Variants in MKI67 observed in about 807,000 individuals in gnomAD.
The protein encoded by MKI67 is proliferation marker protein Ki-67.
A neutral mutation model predicts 233.5 loss-of-function variants in MKI67; 152 were observed. The ratio of observed to expected loss-of-function variants is 0.65; its 90% CI spans 0.57 to 0.74. The LOEUF (loss-of-function observed/expected upper bound fraction) is 0.74. Among genes scored for constraint, MKI67 ranks in the 30% least tolerant of loss-of-function variants. The pLI is 0.00. For synonymous variants in MKI67, 1,465 were observed against 1,418.5 expected, an observed-to-expected ratio of 1.03 and a Z score of -0.74; for missense variants, 3,940 against 3,885.2, an observed-to-expected ratio of 1.01 and a Z score of -0.37.
chr10:128,111,559 G>GATAAAAAAAATTATAAAAAAAAAAA, intron 11 of MKI67, 86 bp downstream of exon 11: 1 of 1,103,340 alleles, frequency 9.1e-7, no homozygotes, highest in African/African-American at 1.6e-5. Context: ...TTTCACAGCA[G>GATAAAAAAAATTATAAAAAAAAAAA]ATAAACAAAG....
chr10:128,115,147 T>G lies in MKI67; in HGVS notation c.1261A>C (p.Lys421Gln), dbSNP rs769497819. ...SATKPENLSSKTRGSIPTDVE... is the reference protein window; with the variant it reads ...SATKPENLSSQTRGSIPTDVE... ...TCTGTAGGAATACTTCCTCTGGTTT[T>G]GGAAGAGAGATTTTCTGGCTTAGTG... Residue 421 changes from lysine (K) to glutamine (Q), a missense_variant, in exon 7 of 15, where the codon AAA becomes CAA. Transcript: ENST00000368654. 6.2e-7 allele frequency: 1 copy of G among 1,614,222 alleles called. No individual in the cohort carries two copies. The highest frequency in any genetic ancestry group is 1.7e-5 in the Admixed American group (1 of 60,030).
In MKI67 at chr10:128,098,267, T is replaced by G. The variant is rs1852255892; in HGVS notation, c.*923A>C. On this transcript the variant is annotated 3_prime_UTR_variant, in exon 15 of 15. Coordinates refer to ENST00000368654, the MANE Select transcript of MKI67 (RefSeq NM_002417.5). ...ATCCTGAAATCGTGGCTGAAGGTGCTGAGTGCTCAGTCTCTCCAAGGATGA... is the reference window on the plus strand; with the variant it reads ...ATCCTGAAATCGTGGCTGAAGGTGCGGAGTGCTCAGTCTCTCCAAGGATGA... 1.3e-5 allele frequency: 2 copies of G among 152,312 alleles called. No homozygotes were observed. Among genetic ancestry groups the G allele is most frequent in the Non-Finnish European group, 2.9e-5 (2 of 68,088 alleles). 9.4% of individuals were successfully genotyped at this position (152,312 alleles called of 1,614,324 possible). A position where few individuals can be genotyped will look rare whatever the true frequency, so the allele number is the denominator to read the frequency against.
intron 2 of MKI67, 152 bp from the exon 3 acceptor site, chr10:128,123,321 T>G: frequency 1.6e-6 from 1 of 630,588 alleles, no homozygotes; most frequent in Non-Finnish European, 2.9e-6. Flanking sequence ...TAAACGATCT[T>G]GCATTTTGCA....
intron 4 of MKI67, among the ~76,000 whole-genome samples, chr10:128,119,774 C>A (rs1365675004): frequency 6.6e-6 from 1 of 152,220 alleles, no homozygotes; most frequent in African/African-American, 2.4e-5. Flanking sequence ...AAAAGCTACA[C>A]TTACACTACA....
Position 128,101,343 on chromosome 10 carries a change from C to T in MKI67, c.9620G>A (p.Ser3207Asn), listed in dbSNP as rs769273359. 2 of 1,614,208 alleles carry T rather than the reference C, an allele frequency of 1.2e-6. No homozygotes were observed. The highest frequency in any genetic ancestry group is 1.7e-5 in the Admixed American group (1 of 60,026). ...CTCCAAAGTGCTTGCTGCAGGCTGGCTTTTTGTCTTTCTTGATCTCAGGCA... is the reference window on the plus strand; with the variant it reads ...CTCCAAAGTGCTTGCTGCAGGCTGGTTTTTTGTCTTTCTTGATCTCAGGCA... The part of the protein sequence containing the change: ...SMCLRSRKTK[S>N]QPAASTLESK... The change falls in exon 14 of 15, where the codon AGC becomes AAC. Residue 3207 changes from serine (S) to asparagine (N), a missense_variant. By Grantham distance (46) the Ser-to-Asn change is conservative. Transcript: ENST00000368654.
intron 12 of MKI67, 140 bp downstream of exon 12, chr10:128,110,238 A>G: frequency 1.7e-6 from 1 of 600,108 alleles, no homozygotes; most frequent in Non-Finnish European, 2.6e-6. Context: ...CTCCCTTTCA[A>G]TTAGAACAGA....
Position 128,107,526 on chromosome 10 carries a change from T to C in MKI67, c.4314A>G (p.Ala1438=), listed in dbSNP as rs1852536259. Residue 1438 remains alanine, a synonymous_variant, in exon 13 of 15, where the codon GCA becomes GCG. Coordinates refer to ENST00000368654, the MANE Select transcript of MKI67 (RefSeq NM_002417.5). ...TTGCTGCTGGGTCCAGTTTCTGTTT[T>C]GCAGTTTCCCTAAACGCGTTGATGC... ...DKSINAFRET[A]KQKLDPAASV... 6.2e-7 allele frequency: 1 copy of C among 1,614,054 alleles called. No homozygotes were observed. The highest frequency in any genetic ancestry group is 1.3e-5 in the African/African-American group (1 of 74,928).
rs1852218887 is a variant in MKI67, at chr10:128,096,693, A to T, written c.*2497T>A. ...CATTTCATCACATACTTTATTGGAC[A>T]TCTCCTGTGGCTGGTCACTGGGATA... On this transcript the variant is annotated 3_prime_UTR_variant, in exon 15 of 15. Coordinates refer to ENST00000368654, the MANE Select transcript of MKI67 (RefSeq NM_002417.5). The T allele has an allele frequency of 6.6e-6, 1 of 152,230 alleles. No individual in the cohort carries two copies. Among genetic ancestry groups the T allele is most frequent in the South Asian group, 2.1e-4 (1 of 4,828 alleles). 9.4% of individuals were successfully genotyped at this position (152,230 alleles called of 1,614,324 possible).
Position 128,107,547 on chromosome 10 carries a change from G to C in MKI67, c.4293C>G (p.Ile1431Met), listed in dbSNP as rs776064157. ...GTTTTGCAGTTTCCCTAAACGCGTT[G>C]ATGCTTTTATCCTCACCTCCTGGTA... ...DKVPGGEDKS[I>M]NAFRETAKQK... The change falls in exon 13 of 15, where the codon ATC becomes ATG. Residue 1431 changes from isoleucine to methionine, a missense_variant. By Grantham distance (10) the Ile-to-Met change is conservative (BLOSUM62 1). Coordinates refer to ENST00000368654, the MANE Select transcript of MKI67 (RefSeq NM_002417.5). 6.2e-7 allele frequency: 1 copy of C among 1,613,992 alleles called. No individual in the cohort carries two copies. Among genetic ancestry groups the C allele is most frequent in the East Asian group, 2.2e-5 (1 of 44,896 alleles).
Position 128,101,444 on chromosome 10 carries a change from G to A in MKI67, c.9519C>T (p.Ser3173=), listed in dbSNP as rs146400996. The change falls in exon 14 of 15, where the codon AGC becomes AGT. Residue 3173 remains serine, a synonymous_variant. Transcript: ENST00000368654. The part of the protein sequence containing the change: ...ESSQPKVAEE[S]GGQKSAKVLM... ...GAACCTTCGCACTCTTCTGCCCTCC[G>A]CTCTCCTCTGCCACCTTAGGCTGGG... The A allele has an allele frequency of 6.2e-6, 10 of 1,613,896 alleles. No homozygotes were observed. The highest frequency in any genetic ancestry group is 2.7e-5 in the African/African-American group (2 of 74,842).
chr10:128,113,136 G>A (rs1852717810), intron 8 of MKI67, among the ~76,000 whole-genome samples: 1 of 152,182 alleles, frequency 6.6e-6, no homozygotes, highest in South Asian at 2.1e-4. Flanking sequence ...GACGGTGCCT[G>A]CAGGTGATTA....
chr10:128,114,959 T>C lies in MKI67; in HGVS notation c.1449A>G (p.Ser483=), dbSNP rs776680341. The C allele has an allele frequency of 1.3e-6, 2 of 1,567,636 alleles. No homozygotes were observed. The highest frequency in any genetic ancestry group is 2.7e-5 in the African/African-American group (2 of 72,782). The change falls in exon 7 of 15, where the codon TCA becomes TCG. Residue 483 remains serine, a synonymous_variant. Transcript: ENST00000368654. ...QMCSGLPGLS[S]VDINNFGDSI... ...AATCACCAAAGTTGTTGATATCAAC[T>C]GAACTAAGACCAGGTAACCCAGAGC... is the stretch of plus-strand genomic sequence containing the variant.
chr10:128,122,926 C>A lies in MKI67; in HGVS notation c.242G>T (p.Arg81Leu), dbSNP rs781387369. 6.3e-7 allele frequency: 1 copy of A among 1,599,044 alleles called. No homozygotes were observed. Among genetic ancestry groups the A allele is most frequent in the Non-Finnish European group, 8.6e-7 (1 of 1,169,374 alleles). Residue 81 changes from arginine (R) to leucine (L), a missense_variant, in exon 4 of 15, where the codon CGG becomes CTG. By Grantham distance (102) the Arg-to-Leu change is moderately radical (BLOSUM62 -2). Transcript: ENST00000368654. ...VNGSVIDEPV[R>L]LKHGDVITII... The stretch of plus-strand genomic sequence containing the variant: ...AGTTATTACATCTCCATGTTTTAGC[C>A]GTACAGGCTCATCAATAACAGACCC...
At position 128,104,316 on chromosome 10, in the gene MKI67, A is replaced by C. The variant is rs751038331; in HGVS notation, c.7524T>G (p.Thr2508=). The C allele has an allele frequency of 1.2e-6, 2 of 1,614,066 alleles. No homozygotes were observed. Among genetic ancestry groups the C allele is most frequent in the Admixed American group, 3.3e-5 (2 of 60,004 alleles). Residue 2508 remains threonine, a synonymous_variant, in exon 13 of 15, where the codon ACT becomes ACG. Transcript: ENST00000368654. The part of the protein sequence containing the change: ...VSKLTRTSGE[T]TQTHTEPTGD... Reference sequence around the variant, plus strand: ...CTGTTGGCTCTGTGTGTGTTTGCGTAGTCTCCCCTGATGTCCGTGTGAGCT... The same window carrying C: ...CTGTTGGCTCTGTGTGTGTTTGCGTCGTCTCCCCTGATGTCCGTGTGAGCT...
Position 128,106,474 on chromosome 10 carries a change from A to C in MKI67, c.5366T>G (p.Val1789Gly). Residue 1789 changes from valine (V) to glycine (G), a missense_variant, in exon 13 of 15, where the codon GTA (valine) becomes GGA (glycine). Physicochemically the swap from Val to Gly is moderately radical, Grantham distance 109 (BLOSUM62 -3). Transcript: ENST00000368654. ...CGTGTTGATGTCTTTCTCTTCACCT[A>C]CTGCTGGTTTGGGTGTGTGCATGGC... The part of the protein sequence containing the change: ...GKAMHTPKPA[V>G]GEEKDINTFL... 1.2e-6 allele frequency: 2 copies of C among 1,612,904 alleles called. No individual in the cohort carries two copies. Among genetic ancestry groups the C allele is most frequent in the Non-Finnish European group, 1.7e-6 (2 of 1,179,732 alleles).
In MKI67 at chr10:128,110,413, C is replaced by G. The variant is rs756068760; in HGVS notation, c.2381G>C (p.Gly794Ala). 17 of 1,580,064 alleles carry G rather than the reference C, an allele frequency of 1.1e-5. No homozygotes were observed. The South Asian group carries it at 1.6e-4, about 15-fold the overall frequency. Reference sequence around the variant, plus strand: ...TGAGGTGGGGAGCAGAGGTTCTTCTCCTGAATCAGTTCCTTGAAACTGTTT... The same window carrying G: ...TGAGGTGGGGAGCAGAGGTTCTTCTGCTGAATCAGTTCCTTGAAACTGTTT... ...LGKQFQGTDSGEEPLLPTSES... is the reference protein window; with the variant it reads ...LGKQFQGTDSAEEPLLPTSES... The change falls in exon 12 of 15, where the codon GGA becomes GCA. Residue 794 changes from glycine to alanine, a missense_variant. Gly to Ala is a moderately conservative substitution (Grantham distance 60, BLOSUM62 0). Transcript: ENST00000368654.
rs1394730131 is a variant in MKI67 at position 128,105,359 on chromosome 10, T to C, written c.6481A>G (p.Arg2161Gly). 6.2e-6 allele frequency: 10 copies of C among 1,614,084 alleles called. No homozygotes were observed. Among genetic ancestry groups the C allele is most frequent in the African/African-American group, 1.3e-5 (1 of 74,928 alleles). The change falls in exon 13 of 15, where the codon AGG becomes GGG. Residue 2161 changes from arginine to glycine, a missense_variant. Transcript: ENST00000368654. ...TCCAGTTTCTGTTTTGCAGTTTCCC[T>C]GAACACGTTGATGCCTTTATCCTCA... The part of the protein sequence containing the change: ...GDEDKGINVF[R>G]ETAKQKLDPA...
At chr10:128,121,892 G>T (rs1256250225) in intron 4 of MKI67, among the ~76,000 whole-genome samples, 1 of 151,876 alleles carries the variant, frequency 6.6e-6, no homozygotes, top group African/African-American at 2.4e-5. Flanking sequence ...GCACAAGCCA[G>T]GCACAAATGT....
In MKI67 at chr10:128,103,224, G is replaced by A. The variant is rs767593841; in HGVS notation, c.8616C>T (p.Asp2872=). 1 of 1,613,944 alleles carries A rather than the reference G, an allele frequency of 6.2e-7. No homozygotes were observed. The highest frequency in any genetic ancestry group is 1.1e-5 in the South Asian group (1 of 91,064). ...TQTSGETTHT[D]KEPVGEGKGT... ...CTTTGCCCTCACCTACCGGCTCTTT[G>A]TCGGTGTGCGTGGTCTCCCCTGAGG... The change falls in exon 13 of 15, where the codon GAC becomes GAT. Residue 2872 remains aspartate (D), a synonymous_variant. Transcript: ENST00000368654.
Sources: allele counts gnomAD v4.1 joint callset (sites outside exome capture counted in the v4.1 genomes callset), GRCh38; gene constraint gnomAD v4.1.1; transcripts MANE v1.5; gene names NCBI Gene and HGNC (gene_info 2026-07-23, HGNC 2026-07-21).